Variants in RHBDL2 observed in about 807,000 individuals in gnomAD.
The protein encoded by RHBDL2 is rhomboid like 2.
Under a neutral mutation model 31.7 loss-of-function variants are expected in RHBDL2, and 26 were observed. The observed-to-expected ratio is 0.82, with a 90% CI of 0.60 to 1.14. The LOEUF is 1.14. Among genes scored for constraint, RHBDL2 ranks in the 50% most tolerant of loss-of-function variants. The pLI, the probability that RHBDL2 is intolerant of heterozygous loss-of-function variation, is 0.00. For synonymous variants in RHBDL2, 123 were observed against 127.2 expected (o/e 0.97, Z 0.22); for missense variants, 336 against 364.4 (o/e 0.92, Z 0.63).
At chr1:38,913,313 G>T (rs994023028) in intron 3 of RHBDL2, among the ~76,000 whole-genome samples, 1 of 151,850 alleles carries the variant, frequency 6.6e-6, no homozygotes, top group Non-Finnish European at 1.5e-5. Flanking sequence ...GCCTTACATT[G>T]CTATTTAACT....
intron 2 of RHBDL2, among the ~76,000 whole-genome samples, chr1:38,917,277 A>G (rs939968643): frequency 6.6e-6 from 1 of 152,064 alleles, no homozygotes; most frequent in African/African-American, 2.4e-5. Context: ...TCAGCCTCCC[A>G]AAGTGCTGGG....
At chr1:38,936,252 G>A (rs1305045675) in intron 1 of RHBDL2, among the ~76,000 whole-genome samples, 2 of 151,872 alleles carry the variant, frequency 1.3e-5, no homozygotes, top group African/African-American at 2.4e-5. Context: ...TTATTTTCTG[G>A]CTTTACTTAA....
At chr1:38,915,317 G>T (rs1371788543) in intron 3 of RHBDL2, among the ~76,000 whole-genome samples, 6 of 151,678 alleles carry the variant, frequency 4.0e-5, no homozygotes, top group African/African-American at 1.5e-4. Flanking sequence ...TAGAGATGGG[G>T]TTTCACTATA....
intron 1 of RHBDL2, among the ~76,000 whole-genome samples, chr1:38,924,170 C>A (rs1643346654): frequency 6.6e-6 from 1 of 151,966 alleles, no homozygotes; most frequent in African/African-American, 2.4e-5. Flanking sequence ...GTCTCAAACC[C>A]TTGAATTCAA....
At chr1:38,940,637 C>G (rs1643550940) in intron 1 of RHBDL2, among the ~76,000 whole-genome samples, 1 of 152,104 alleles carries the variant, frequency 6.6e-6, no homozygotes, top group Non-Finnish European at 1.5e-5. Flanking sequence ...AGAGGCATGG[C>G]AAGAAGGCAG....
chr1:38,912,900 ATATATATATATG>A (rs1321178269), intron 3 of RHBDL2, among the ~76,000 whole-genome samples: 7 of 98,496 alleles, frequency 7.1e-5, no homozygotes, highest in East Asian at 2.5e-4. Context: ...ATATATATAT[ATATATATATATG>A]TGTGTGTGTG....
At chr1:38,899,319 C>G (rs1642960197) in intron 4 of RHBDL2, among the ~76,000 whole-genome samples, 1 of 152,194 alleles carries the variant, frequency 6.6e-6, no homozygotes, top group Non-Finnish European at 1.5e-5. Flanking sequence ...AGGGGCATGT[C>G]GCTAAGGTCA....
chr1:38,899,243 T>G (rs188619407), intron 4 of RHBDL2, among the ~76,000 whole-genome samples: 1 of 152,244 alleles, frequency 6.6e-6, no homozygotes, highest in African/African-American at 2.4e-5. Context: ...ACAAAGGAAG[T>G]GCAGCAAGGC....
intron 1 of RHBDL2, among the ~76,000 whole-genome samples, chr1:38,940,268 A>C (rs922067265): frequency 2.6e-5 from 4 of 152,192 alleles, no homozygotes; most frequent in Non-Finnish European, 4.4e-5. Flanking sequence ...GAGTGTGCAA[A>C]TTCAGAAACA....
intron 1 of RHBDL2, among the ~76,000 whole-genome samples, chr1:38,928,604 G>A (rs1225775159): frequency 6.6e-6 from 1 of 151,646 alleles, no homozygotes; most frequent in Non-Finnish European, 1.5e-5. Flanking sequence ...GCGCCACCAC[G>A]CCTGGCTAAT....
intron 2 of RHBDL2, among the ~76,000 whole-genome samples, chr1:38,917,887 T>A (rs1486799791): frequency 6.6e-6 from 1 of 152,206 alleles, no homozygotes; most frequent in Non-Finnish European, 1.5e-5. Context: ...GAGGGTATGG[T>A]TTATACTAAT....
intron 4 of RHBDL2, among the ~76,000 whole-genome samples, chr1:38,900,542 G>A (rs1013582609): frequency 1.3e-5 from 2 of 151,962 alleles, no homozygotes; most frequent in Non-Finnish European, 1.5e-5. Flanking sequence ...AATCGCTTGA[G>A]CCTGAGAGGC....
Position 38,918,856 on chromosome 1 carries a change from G to A in RHBDL2, c.246+111C>T, listed in dbSNP as rs115501036. The stretch of plus-strand genomic sequence containing the variant: ...AGGTGTGTGCTGTCCCCATCCCCAC[G>A]AAGCTCTCTCCCATGTTCCCAGTCT... On this transcript the variant is annotated intron_variant, in intron 2 of 7. Transcript: ENST00000372990. The A allele has an allele frequency of 5.9e-3, 7,892 of 1,341,826 alleles. 37 individuals are homozygous for A. The highest frequency in any genetic ancestry group is 7.2e-3 in the Non-Finnish European group (6,988 of 973,780). The allele number at this position is 1,341,826 out of a possible 1,614,324, so 83.1% of individuals were successfully genotyped here.
intron 1 of RHBDL2, among the ~76,000 whole-genome samples, chr1:38,938,487 C>T (rs1643533082): frequency 1.3e-5 from 2 of 152,208 alleles, no homozygotes; most frequent in African/African-American, 4.8e-5. Context: ...GTTCCAGCTC[C>T]CACTCTCCAT....
At chr1:38,893,828 C>T (rs1642882574) in intron 5 of RHBDL2, among the ~76,000 whole-genome samples, 1 of 152,106 alleles carries the variant, frequency 6.6e-6, no homozygotes, top group African/African-American at 2.4e-5. Context: ...CAGCCTCGAA[C>T]TCCTGGACTC....
chr1:38,910,440 AAAATGTTTCCAAT>A (rs1284949897), intron 4 of RHBDL2, among the ~76,000 whole-genome samples: 1 of 152,226 alleles, frequency 6.6e-6, no homozygotes, highest in Non-Finnish European at 1.5e-5. Context: ...ATTTTTTAAA[AAAATGTTTCCAAT>A]AAATAAACAA....
chr1:38,936,625 G>A (rs1439677157), intron 1 of RHBDL2, among the ~76,000 whole-genome samples: 4 of 150,038 alleles, frequency 2.7e-5, no homozygotes, highest in East Asian at 2.0e-4. Context: ...TCAGCCTCCC[G>A]AATAGCCGGG....
chr1:38,903,185 G>C (rs1432113450), intron 4 of RHBDL2, among the ~76,000 whole-genome samples: 1 of 151,888 alleles, frequency 6.6e-6, no homozygotes, highest in African/African-American at 2.4e-5. Context: ...TGTTGCCCAG[G>C]CTGGAGTGCA....
intron 1 of RHBDL2, chr1:38,929,681 G>A: frequency 1.5e-6 from 1 of 673,292 alleles, no homozygotes; most frequent in Non-Finnish European, 1.8e-6. Context: ...CTGCCCAGCT[G>A]GGGCTGCCAG....
Sources: allele counts gnomAD v4.1 joint callset (sites outside exome capture counted in the v4.1 genomes callset), GRCh38; gene constraint gnomAD v4.1.1; transcripts MANE v1.5; gene names NCBI Gene and HGNC (gene_info 2026-07-23, HGNC 2026-07-21).